Variants in CCDC167 observed in about 807,000 individuals in gnomAD.
The protein encoded by CCDC167 is coiled-coil domain-containing protein 167.
CCDC167 carries 15 observed loss-of-function variants against 12.7 expected under a neutral mutation model. That is an observed-to-expected ratio of 1.18 (90% CI 0.79 to 1.81). CCDC167 has a LOEUF of 1.81. Ranked by LOEUF, CCDC167 falls within the 40% of genes most tolerant of loss-of-function variation. The pLI, the probability that CCDC167 is intolerant of heterozygous loss-of-function variation, is 0.00. For synonymous variants in CCDC167, 52 were observed against 49.0 expected (o/e 1.06, Z -0.26); for missense variants, 121 against 120.1 (o/e 1.01, Z -0.03).
chr6:37,486,109 T>C (rs1488225076), intron 1 of CCDC167, among the ~76,000 whole-genome samples: 5 of 152,176 alleles, frequency 3.3e-5, no homozygotes, highest in Non-Finnish European at 7.3e-5. Flanking sequence ...GGGGGCTCTG[T>C]GACCCTCCCA....
At chr6:37,497,115 T>C (rs1762105831) in intron 1 of CCDC167, among the ~76,000 whole-genome samples, 1 of 152,224 alleles carries the variant, frequency 6.6e-6, no homozygotes, top group Admixed American at 6.5e-5. Context: ...TAAGGACTGT[T>C]CTTGCAGATA....
chr6:37,489,788 G>A (rs995054641), intron 1 of CCDC167, among the ~76,000 whole-genome samples: 1 of 152,248 alleles, frequency 6.6e-6, no homozygotes, highest in Non-Finnish European at 1.5e-5. Context: ...CCGACAGGCT[G>A]CATAGTAGGG....
intron 2 of CCDC167, 57 bp downstream of exon 2, chr6:37,485,043 G>T: frequency 1.3e-6 from 2 of 1,494,834 alleles, no homozygotes; most frequent in Non-Finnish European, 9.2e-7. Context: ...ACCCAGGATA[G>T]ATACAGGGGG....
chr6:37,492,968 G>A (rs1762042951), intron 1 of CCDC167, among the ~76,000 whole-genome samples: 1 of 152,194 alleles, frequency 6.6e-6, no homozygotes, highest in Admixed American at 6.5e-5. Context: ...GGCTCACAGA[G>A]CTCTGTGGGG....
chr6:37,487,761 A>G (rs1761966450), intron 1 of CCDC167, among the ~76,000 whole-genome samples: 1 of 152,240 alleles, frequency 6.6e-6, no homozygotes, highest in Admixed American at 6.5e-5. Flanking sequence ...ATCTGCTATC[A>G]TGCTCTGGGC....
chr6:37,498,251 C>T (rs1044107596), intron 1 of CCDC167, among the ~76,000 whole-genome samples: 7 of 152,046 alleles, frequency 4.6e-5, no homozygotes, highest in Non-Finnish European at 8.8e-5. Flanking sequence ...CATCTCCTGC[C>T]CCTTGCTCTA....
chr6:37,487,136 C>T (rs945857243), intron 1 of CCDC167, among the ~76,000 whole-genome samples: 2 of 152,158 alleles, frequency 1.3e-5, no homozygotes, highest in South Asian at 4.1e-4. Flanking sequence ...CTTTATCTTC[C>T]CAAACTCTAG....
intron 1 of CCDC167, among the ~76,000 whole-genome samples, chr6:37,494,304 C>T (rs1436427357): frequency 2.0e-5 from 3 of 152,246 alleles, no homozygotes; most frequent in South Asian, 4.1e-4. Context: ...CTCAGGTGAT[C>T]CGCCCGCCTG....
intron 3 of CCDC167, among the ~76,000 whole-genome samples, chr6:37,484,373 TGGC>T (rs1761911740): frequency 6.6e-6 from 1 of 151,352 alleles, no homozygotes; most frequent in South Asian, 2.1e-4. Flanking sequence ...GCCCAGAAGG[TGGC>T]GGCATCGCTC....
At chr6:37,495,669 C>T (rs897695788) in intron 1 of CCDC167, among the ~76,000 whole-genome samples, 2 of 152,196 alleles carry the variant, frequency 1.3e-5, no homozygotes, top group African/African-American at 4.8e-5. Flanking sequence ...TAAGAGGTGG[C>T]TGCTTATACA....
intron 2 of CCDC167, 79 bp from the exon 3 acceptor site, chr6:37,484,941 A>G: frequency 2.5e-6 from 4 of 1,578,584 alleles, no homozygotes; most frequent in Non-Finnish European, 3.5e-6. Flanking sequence ...GCCAGTTGGC[A>G]GGGCTTGGGT....
At chr6:37,496,559 T>C (rs1232117206) in intron 1 of CCDC167, among the ~76,000 whole-genome samples, 2 of 152,214 alleles carry the variant, frequency 1.3e-5, no homozygotes, top group Non-Finnish European at 2.9e-5. Context: ...CTTCATGTTA[T>C]AGATGAGTGA....
intron 1 of CCDC167, among the ~76,000 whole-genome samples, chr6:37,493,003 C>T (rs1314578399): frequency 2.6e-5 from 4 of 152,180 alleles, no homozygotes; most frequent in Admixed American, 2.6e-4. Context: ...GCCCATGGCT[C>T]CCCACATCAA....
chr6:37,483,768 C>T (rs1463674531), intron 3 of CCDC167, among the ~76,000 whole-genome samples: 3 of 152,196 alleles, frequency 2.0e-5, no homozygotes, highest in Non-Finnish European at 2.9e-5. Flanking sequence ...AGTCCCTGCC[C>T]TCTGCCGGGT....
At position 37,482,961 on chromosome 6, in the gene CCDC167, T is replaced by C. The variant is rs1367762848; in HGVS notation, c.*225A>G. ...GAACAGCTTTGTGTTCTTTATTGCC[T>C]CTCCCTTGGGCTAAGGGAGGGACCA... On this transcript the variant is annotated 3_prime_UTR_variant, in exon 4 of 4. Coordinates refer to ENST00000373408, the MANE Select transcript of CCDC167 (RefSeq NM_138493.3). 3.4e-6 allele frequency: 2 copies of C among 587,524 alleles called. No individual in the cohort carries two copies. The highest frequency in any genetic ancestry group is 3.2e-6 in the Non-Finnish European group (1 of 314,684). The allele number at this position is 587,524 out of a possible 1,614,324, so 36.4% of individuals were successfully genotyped here. A position where few individuals can be genotyped will look rare whatever the true frequency, so the allele number is the denominator to read the frequency against.
chr6:37,488,176 A>C (rs1213848203), intron 1 of CCDC167, among the ~76,000 whole-genome samples: 3 of 152,266 alleles, frequency 2.0e-5, no homozygotes, highest in Admixed American at 2.0e-4. Flanking sequence ...CCAGCTGTCA[A>C]CATGAGTGGA....
intron 1 of CCDC167, among the ~76,000 whole-genome samples, chr6:37,493,986 TC>T (rs967977015): frequency 6.6e-6 from 1 of 151,488 alleles, no homozygotes; most frequent in African/African-American, 2.4e-5. Flanking sequence ...CGTCAAGCCT[TC>T]CGGTGCTCTT....
At chr6:37,494,982 T>C (rs566603542) in intron 1 of CCDC167, among the ~76,000 whole-genome samples, 2 of 151,936 alleles carry the variant, frequency 1.3e-5, no homozygotes, top group Non-Finnish European at 2.9e-5. Context: ...GTATTTTTAG[T>C]AGAGATGGTG....
chr6:37,498,459 T>C (rs1041759948), intron 1 of CCDC167, among the ~76,000 whole-genome samples: 1 of 152,070 alleles, frequency 6.6e-6, no homozygotes, highest in Non-Finnish European at 1.5e-5. Flanking sequence ...TGGGCCAATA[T>C]TTCTCAAGGG....
Sources: gnomAD v4.1 joint callset for allele counts (sites outside exome capture counted in the v4.1 genomes callset) on GRCh38, gnomAD v4.1.1 for gene constraint, MANE v1.5 for transcripts, NCBI Gene and HGNC (gene_info 2026-07-23, HGNC 2026-07-21) for gene names.